ANKRD30BL: variants seen among roughly 807,000 people sequenced by gnomAD.
The protein encoded by ANKRD30BL is ankyrin repeat domain 30B like, also known as putative ankyrin repeat domain-containing protein 30B-like.
Under a neutral mutation model 18.4 loss-of-function variants are expected in ANKRD30BL, and 20 were observed. That is an observed-to-expected ratio of 1.09 (90% CI 0.77 to 1.58). The LOEUF is 1.58. ANKRD30BL is among the 40% of genes most tolerant of loss of function. The pLI is 0.00. For missense variants in ANKRD30BL, 224 were observed against 268.6 expected (o/e 0.83, Z 1.16); for synonymous variants, 72 against 100.9 (o/e 0.71, Z 1.72).
chr2:132,235,588 A>G (rs942368396), intron 1 of ANKRD30BL, among the ~76,000 whole-genome samples: 2 of 152,140 alleles, frequency 1.3e-5, no homozygotes, highest in Non-Finnish European at 2.9e-5. Context: ...CCCATTCACA[A>G]TTGCTTCAAA....
At chr2:132,200,012 G>A (rs375348521) in intron 1 of ANKRD30BL, among the ~76,000 whole-genome samples, 17 of 152,178 alleles carry the variant, frequency 1.1e-4, no homozygotes, top group East Asian at 1.9e-4. Flanking sequence ...TTCAATATAC[G>A]CAAATCAATA....
chr2:132,221,487 C>A (rs1338733272), intron 1 of ANKRD30BL, among the ~76,000 whole-genome samples: 2 of 128,774 alleles, frequency 1.6e-5, no homozygotes, highest in African/African-American at 3.6e-5. Context: ...CCTGGCCGCC[C>A]CTACTGGGAA....
upstream of ANKRD30BL, among the ~76,000 whole-genome samples, chr2:132,164,722 C>CT (rs1262209192): frequency 6.6e-6 from 1 of 152,158 alleles, no homozygotes; most frequent in Non-Finnish European, 1.5e-5. Context: ...AGAACACCTA[C>CT]TTTGTTGTTG....
chr2:132,254,814 C>T (rs1209304916), intron 1 of ANKRD30BL, among the ~76,000 whole-genome samples: 1 of 152,192 alleles, frequency 6.6e-6, no homozygotes, highest in Non-Finnish European at 1.5e-5. Flanking sequence ...AGTTGGCATG[C>T]CAGAGTCTCG....
chr2:132,241,350 A>G (rs1321901303), intron 1 of ANKRD30BL, among the ~76,000 whole-genome samples: 2 of 151,642 alleles, frequency 1.3e-5, no homozygotes, highest in Non-Finnish European at 2.9e-5. Context: ...ATATCTTCAC[A>G]TAAAAACTAG....
intron 1 of ANKRD30BL, among the ~76,000 whole-genome samples, chr2:132,173,297 G>T (rs1441708966): frequency 3.7e-5 from 5 of 135,082 alleles, no homozygotes; most frequent in South Asian, 4.9e-4. Flanking sequence ...AATCAATTTT[G>T]CTTCTTTTTT....
chr2:132,236,641 A>T (rs1270495162), intron 1 of ANKRD30BL, among the ~76,000 whole-genome samples: 1 of 152,158 alleles, frequency 6.6e-6, no homozygotes, highest in Non-Finnish European at 1.5e-5. Flanking sequence ...GCTGGAGACG[A>T]TGTGGAGAAA....
chr2:132,235,442 T>G (rs1226035869), intron 1 of ANKRD30BL, among the ~76,000 whole-genome samples: 1 of 152,124 alleles, frequency 6.6e-6, no homozygotes, highest in Admixed American at 6.6e-5. Flanking sequence ...GAAAACCCCA[T>G]TGTCTCAGCC....
chr2:132,156,493 A>C (rs1192580750), intron 3 of ANKRD30BL: 1 of 152,214 alleles, frequency 6.6e-6, no homozygotes, highest in African/African-American at 2.4e-5. Context: ...TGATGTAACT[A>C]GGTGGGCACA....
chr2:132,148,163 C>G lies in ANKRD30BL; in HGVS notation c.745G>C (p.Glu249Gln). The G allele has an allele frequency of 6.2e-7, 1 of 1,602,162 alleles. No individual in the cohort carries two copies. Among genetic ancestry groups the G allele is most frequent in the Non-Finnish European group, 8.5e-7 (1 of 1,174,896 alleles). ...TCAGGTGTTCTTTCCACCAAGCTTT[C>G]AGCCGTGTCAGGTGTTCTTTCCGCC... ...PLAERTPDTA[E>Q]SLVERTPDE is the part of the protein sequence containing the mutation. The change falls in exon 6 of 6, where the codon GAA becomes CAA. Residue 249 changes from glutamate to glutamine, a missense_variant. Glu to Gln is a conservative substitution (Grantham distance 29). Transcript: ENST00000409867.
At chr2:132,244,982 A>T (rs149942985) in intron 1 of ANKRD30BL, among the ~76,000 whole-genome samples, 1 of 152,206 alleles carries the variant, frequency 6.6e-6, no homozygotes, top group Non-Finnish European at 1.5e-5. Flanking sequence ...GTGATGTGTG[A>T]ACTCAACTCA....
intron 1 of ANKRD30BL, among the ~76,000 whole-genome samples, chr2:132,207,198 C>A (rs1373676782): frequency 6.6e-6 from 1 of 152,048 alleles, no homozygotes; most frequent in African/African-American, 2.4e-5. Flanking sequence ...CGCTTAAGAT[C>A]ATAAATAACT....
At chr2:132,160,966 G>C (rs1291003800) in intron 1 of ANKRD30BL, among the ~76,000 whole-genome samples, 6 of 147,540 alleles carry the variant, frequency 4.1e-5, no homozygotes, top group African/African-American at 1.5e-4. Context: ...CCACCTCAAA[G>C]TTACCTTCTA....
chr2:132,238,299 T>C (rs1314030919), intron 1 of ANKRD30BL, among the ~76,000 whole-genome samples: 1 of 151,990 alleles, frequency 6.6e-6, no homozygotes, highest in East Asian at 1.9e-4. Context: ...AACAGGAATG[T>C]CTTCACATAA....
intron 1 of ANKRD30BL, among the ~76,000 whole-genome samples, chr2:132,250,675 G>A (rs1680626081): frequency 6.6e-6 from 1 of 152,188 alleles, no homozygotes; most frequent in Non-Finnish European, 1.5e-5. Flanking sequence ...CATCAGGTTT[G>A]GAGCAGAAAT....
upstream of ANKRD30BL, among the ~76,000 whole-genome samples, chr2:132,162,312 G>T (rs113850491): frequency 1.3e-5 from 2 of 152,346 alleles, no homozygotes; most frequent in African/African-American, 4.8e-5. Flanking sequence ...GGCGCTGGCA[G>T]GGTCAGGGTT....
chr2:132,221,196 G>T (rs1679666732), intron 1 of ANKRD30BL, among the ~76,000 whole-genome samples: 1 of 146,154 alleles, frequency 6.8e-6, no homozygotes, highest in South Asian at 2.1e-4. Flanking sequence ...GAGGTGGGGG[G>T]GGGTCAGCCC....
chr2:132,175,366 C>T (rs1438102301), intron 1 of ANKRD30BL, among the ~76,000 whole-genome samples: 2 of 152,200 alleles, frequency 1.3e-5, no homozygotes, highest in Admixed American at 1.3e-4. Context: ...ATGTTTCTCT[C>T]TGCCCAAACA....
chr2:132,213,426 G>A (rs560477537), intron 1 of ANKRD30BL, among the ~76,000 whole-genome samples: 9 of 126,186 alleles, frequency 7.1e-5, no homozygotes, highest in African/African-American at 2.5e-4. Flanking sequence ...TGTAGAACCC[G>A]CAAGGGACAT....
Sources: allele counts gnomAD v4.1 joint callset (sites outside exome capture counted in the v4.1 genomes callset), GRCh38; gene constraint gnomAD v4.1.1; transcripts MANE v1.5; gene names NCBI Gene and HGNC (gene_info 2026-07-23, HGNC 2026-07-21).